Variants in ZFAND4 observed in about 807,000 individuals in gnomAD.
ZFAND4 encodes AN1-type zinc finger protein 4.
ZFAND4 carries 43 observed loss-of-function variants against 64.4 expected under a neutral mutation model. That is an observed-to-expected ratio of 0.67 (90% CI 0.52 to 0.86). The LOEUF is 0.86. Among genes scored for constraint, ZFAND4 ranks in the 40% least tolerant of loss-of-function variants. The probability of loss-of-function intolerance (pLI) is 0.00; values close to 1 mark genes in which losing one functional copy is unlikely to be tolerated. For missense variants in ZFAND4, 929 were observed against 859.8 expected (o/e 1.08, Z -1.01); for synonymous variants, 296 against 305.7 (o/e 0.97, Z 0.33).
chr10:45,642,401 A>G (rs1448346684), intron 5 of ZFAND4, among the ~76,000 whole-genome samples: 1 of 152,048 alleles, frequency 6.6e-6, no homozygotes, highest in Admixed American at 6.6e-5. Flanking sequence ...AGGTCAGGAG[A>G]TCGAGACCAT....
At chr10:45,655,942 T>C (rs530904960) in intron 2 of ZFAND4, among the ~76,000 whole-genome samples, 3 of 152,246 alleles carry the variant, frequency 2.0e-5, no homozygotes, top group South Asian at 2.1e-4. Context: ...ATTCAATGAA[T>C]TGGTACTGGC....
intron 2 of ZFAND4, 97 bp from the exon 3 acceptor site, chr10:45,653,156 T>C: frequency 1.1e-6 from 1 of 889,056 alleles, no homozygotes; most frequent in South Asian, 1.7e-5. Flanking sequence ...CTAAGAGCAC[T>C]AAAAAATTAA....
chr10:45,632,319 T>G (rs1056802502), intron 6 of ZFAND4, among the ~76,000 whole-genome samples: 2 of 152,036 alleles, frequency 1.3e-5, no homozygotes, highest in African/African-American at 4.8e-5. Context: ...GATCGTGCCA[T>G]TGCACTCCAG....
intron 6 of ZFAND4, among the ~76,000 whole-genome samples, chr10:45,635,637 A>G (rs1214700466): frequency 6.6e-6 from 1 of 152,222 alleles, no homozygotes; most frequent in Non-Finnish European, 1.5e-5. Flanking sequence ...ACCATTATTC[A>G]CAATAGCCAA....
At chr10:45,640,434 A>C in intron 5 of ZFAND4, 1 of 1,245,884 alleles carries the variant, frequency 8.0e-7, no homozygotes, top group South Asian at 1.4e-5. Flanking sequence ...AAAAAAAAAA[A>C]AAAAAAAAGA....
rs573366778 is a variant in ZFAND4 at position 45,648,378 on chromosome 10, C to T, written c.485G>A (p.Gly162Asp). ...AGAGTCAGATAACGGTGTTAAAGTG[C>T]CATCTCCCCTATCTACTGCAGGAAA... ...NFFPAVDRGD[G>D]TLTPLSDSSK... The change falls in exon 5 of 10, where the codon GGC (glycine) becomes GAC (aspartate). Residue 162 changes from glycine to aspartate, a missense_variant. Coordinates refer to ENST00000344646, the MANE Select transcript of ZFAND4 (RefSeq NM_174890.4). 3.7e-6 allele frequency: 6 copies of T among 1,613,762 alleles called. No homozygotes were observed. The highest frequency in any genetic ancestry group is 2.7e-5 in the African/African-American group (2 of 74,906).
chr10:45,657,555 C>A (rs1010597947), intron 2 of ZFAND4, among the ~76,000 whole-genome samples: 1 of 152,112 alleles, frequency 6.6e-6, no homozygotes, highest in South Asian at 2.1e-4. Flanking sequence ...TAACTATATA[C>A]TTCCTATGCA....
In ZFAND4 at chr10:45,626,275, A is replaced by C; in HGVS notation, c.1548T>G (p.Thr516=). The part of the protein sequence containing the change: ...SSQSLDVQNI[T]DSSFSRTTCF... ...AAGTAGTCCTAGAGAAAGAAGAATC[A>C]GTTATGTTTTGAACATCCAGTGACT... The change falls in exon 7 of 10, where the codon ACT becomes ACG. Residue 516 remains threonine, a synonymous_variant. Transcript: ENST00000344646. The C allele has an allele frequency of 1.2e-6, 2 of 1,614,194 alleles. No individual in the cohort carries two copies. Among genetic ancestry groups the C allele is most frequent in the Non-Finnish European group, 1.7e-6 (2 of 1,180,038 alleles).
In ZFAND4 at chr10:45,638,590, G is replaced by A. The variant is rs114433908; in HGVS notation, c.717+1226C>T. Among the ~76,000 whole-genome samples the A allele has an allele frequency of 4.6e-3, 696 of 152,296 alleles. 5 individuals carry two copies. Among genetic ancestry groups the A allele is most frequent in the African/African-American group, 0.016 (658 of 41,556 alleles). ...GTGCATCTTCCCTCTGACTCCGAAA[G>A]TCCATTGCTAGGTATATGCTCCAAA... On this transcript the variant is annotated intron_variant, in intron 6 of 9. Coordinates refer to ENST00000344646, the MANE Select transcript of ZFAND4 (RefSeq NM_174890.4).
At chr10:45,662,493 T>A in intron 2 of ZFAND4, 2 of 598,394 alleles carry the variant, frequency 3.3e-6, no homozygotes, top group African/African-American at 4.0e-5. Context: ...TTCACCTTCA[T>A]GCTCCAAAAA....
At chr10:45,639,520 A>G (rs1326005797) in intron 6 of ZFAND4, among the ~76,000 whole-genome samples, 1 of 152,212 alleles carries the variant, frequency 6.6e-6, no homozygotes, top group Non-Finnish European at 1.5e-5. Flanking sequence ...ATAAATAAAT[A>G]TTAACATATT....
At chr10:45,620,348 G>T (rs1421609221) in intron 8 of ZFAND4, among the ~76,000 whole-genome samples, 1 of 152,056 alleles carries the variant, frequency 6.6e-6, no homozygotes, top group Non-Finnish European at 1.5e-5. Flanking sequence ...GGGCATGGTA[G>T]CACGCGCCTG....
chr10:45,657,453 G>C (rs979533038), intron 2 of ZFAND4, among the ~76,000 whole-genome samples: 1 of 152,076 alleles, frequency 6.6e-6, no homozygotes, highest in African/African-American at 2.4e-5. Flanking sequence ...TGCTGATAAG[G>C]ATACAGAGCA....
At chr10:45,659,126 T>C (rs374387885) in intron 2 of ZFAND4, among the ~76,000 whole-genome samples, 4 of 152,320 alleles carry the variant, frequency 2.6e-5, no homozygotes, top group South Asian at 2.1e-4. Flanking sequence ...TGGGAAATTA[T>C]TGAGGGCCAG....
At chr10:45,627,577 A>G (rs2045923658) in intron 6 of ZFAND4, among the ~76,000 whole-genome samples, 1 of 152,220 alleles carries the variant, frequency 6.6e-6, no homozygotes, top group Non-Finnish European at 1.5e-5. Flanking sequence ...GCTTTTGGGA[A>G]CATCTATTTC....
At chr10:45,651,054 T>C (rs1397587406) in intron 4 of ZFAND4, 3 of 152,296 alleles carry the variant, frequency 2.0e-5, no homozygotes, top group Admixed American at 2.0e-4. Flanking sequence ...TAATTTGACA[T>C]GTGGAAGCAA....
chr10:45,662,719 C>A, intron 2 of ZFAND4: 1 of 955,898 alleles, frequency 1.0e-6, no homozygotes, highest in Non-Finnish European at 1.2e-6. Flanking sequence ...TCATATATAT[C>A]CTTGGCCTCA....
chr10:45,652,091 T>C (rs2047797026), intron 3 of ZFAND4, 58 bp from the exon 4 acceptor site: 1 of 1,548,180 alleles, frequency 6.5e-7, no homozygotes, highest in South Asian at 1.1e-5. Flanking sequence ...CAGTTAAATG[T>C]ACACATAATT....
At chr10:45,637,798 A>G (rs2046715265) in intron 6 of ZFAND4, among the ~76,000 whole-genome samples, 1 of 152,108 alleles carries the variant, frequency 6.6e-6, no homozygotes, top group Non-Finnish European at 1.5e-5. Context: ...ATAAATTAGA[A>G]TACAATTAAA....
Sources: gnomAD v4.1 joint callset for allele counts (sites outside exome capture counted in the v4.1 genomes callset) on GRCh38, gnomAD v4.1.1 for gene constraint, MANE v1.5 for transcripts, NCBI Gene and HGNC (gene_info 2026-07-23, HGNC 2026-07-21) for gene names.